DLGAP2: variants seen among roughly 807,000 people sequenced by gnomAD.
DLGAP2 encodes the protein disks large-associated protein 2.
Under a neutral mutation model 100.3 loss-of-function variants are expected in DLGAP2, and 26 were observed. The ratio of observed to expected loss-of-function variants is 0.26; its 90% CI spans 0.19 to 0.36. The LOEUF (loss-of-function observed/expected upper bound fraction) is 0.36, where lower values mean the gene tolerates loss of function less well. Ranked by LOEUF, DLGAP2 falls within the 10% of genes least tolerant of loss-of-function variation. DLGAP2 has a pLI of 1.00. For missense variants in DLGAP2, 1,858 were observed against 1,453.2 expected, an observed-to-expected ratio of 1.28 and a Z score of -4.53; for synonymous variants, 886 against 630.1, an observed-to-expected ratio of 1.41 and a Z score of -6.08.
At chr8:1,144,873 A>G (rs529852893) in intron 2 of DLGAP2, among the ~76,000 whole-genome samples, 8 of 151,788 alleles carry the variant, frequency 5.3e-5, no homozygotes, top group African/African-American at 7.2e-5. Context: ...TGAACAGTCA[A>G]ACCACAGACG....
Position 756,404 on chromosome 8 carries a change from T to C in DLGAP2, c.18+18579T>C, listed in dbSNP as rs985321445. On this transcript the variant is annotated intron_variant, in intron 1 of 14. Coordinates refer to ENST00000637795, the MANE Select transcript of DLGAP2 (RefSeq NM_001346810.2). ...AACCATGGAGCTGACATTGAGAATG[T>C]TCTCTGATCTGTTTTTAATTAGCAC... Among the ~76,000 whole-genome samples the C allele has an allele frequency of 3.3e-5, 5 of 152,214 alleles. No individual in the cohort carries two copies. In the East Asian group the frequency reaches 5.8e-4, roughly 18 times the overall value.
chr8:787,102 T>C (rs1821886777), intron 1 of DLGAP2, among the ~76,000 whole-genome samples: 1 of 152,206 alleles, frequency 6.6e-6, no homozygotes, highest in Non-Finnish European at 1.5e-5. Flanking sequence ...AAACTGACGA[T>C]GCTTTATTCA....
At chr8:1,490,221 C>T (rs1312233788) in intron 3 of DLGAP2, among the ~76,000 whole-genome samples, 1 of 152,122 alleles carries the variant, frequency 6.6e-6, no homozygotes, top group Non-Finnish European at 1.5e-5. Flanking sequence ...AAATGGGCAT[C>T]ACAACTTACC....
At chr8:1,515,483 T>C (rs1800338131) in intron 4 of DLGAP2, among the ~76,000 whole-genome samples, 2 of 150,578 alleles carry the variant, frequency 1.3e-5, no homozygotes, top group South Asian at 4.2e-4. Context: ...TGCAAAAATA[T>C]GCAGACAGAA....
intron 2 of DLGAP2, among the ~76,000 whole-genome samples, chr8:1,194,296 G>A (rs1797703818): frequency 6.6e-6 from 1 of 152,098 alleles, no homozygotes; most frequent in African/African-American, 2.4e-5. Context: ...CAAGAGACAA[G>A]CAGACGTTGG....
rs552447369 is a variant in DLGAP2 at position 973,766 on chromosome 8, G to A, written c.73+65800G>A. Among the ~76,000 whole-genome samples the A allele has an allele frequency of 7.3e-4, 111 of 152,202 alleles. 1 individual carries two copies. The highest frequency in any genetic ancestry group is 4.3e-3 in the South Asian group (21 of 4,834). Reference sequence around the variant, plus strand: ...TCATGGAGGGAAGGCAAATATACGCGCGGCTGAGCGGAGGCGAATCCGGAG... The same window carrying A: ...TCATGGAGGGAAGGCAAATATACGCACGGCTGAGCGGAGGCGAATCCGGAG... On this transcript the variant is annotated intron_variant, in intron 2 of 14. Coordinates refer to ENST00000637795, the MANE Select transcript of DLGAP2 (RefSeq NM_001346810.2).
intron 2 of DLGAP2, among the ~76,000 whole-genome samples, chr8:994,364 C>G (rs1800726473): frequency 6.6e-6 from 1 of 152,068 alleles, no homozygotes; most frequent in South Asian, 2.1e-4. Context: ...CCATGCCTGG[C>G]TAATTTTGTA....
At chr8:1,541,028 G>T (rs1563209780) in intron 4 of DLGAP2, among the ~76,000 whole-genome samples, 1 of 151,920 alleles carries the variant, frequency 6.6e-6, no homozygotes, top group African/African-American at 2.4e-5. Flanking sequence ...ACAGAGCCCA[G>T]GATTTTCTAC....
chr8:941,827 T>G (rs990226653), intron 2 of DLGAP2, among the ~76,000 whole-genome samples: 1 of 152,168 alleles, frequency 6.6e-6, no homozygotes, highest in Non-Finnish European at 1.5e-5. Flanking sequence ...ACATTTTTTT[T>G]TTTGAAAATC....
At chr8:1,341,497 G>C (rs1459456165) in intron 3 of DLGAP2, among the ~76,000 whole-genome samples, 2 of 152,184 alleles carry the variant, frequency 1.3e-5, no homozygotes, top group East Asian at 1.9e-4. Flanking sequence ...CACATCAGCA[G>C]TTCTGCCTAC....
chr8:1,009,008 C>T (rs1440267141), intron 2 of DLGAP2, among the ~76,000 whole-genome samples: 1 of 152,236 alleles, frequency 6.6e-6, no homozygotes, highest in African/African-American at 2.4e-5. Context: ...CGCAGGCCTC[C>T]AGTACCCCTT....
intron 8 of DLGAP2, among the ~76,000 whole-genome samples, chr8:1,636,583 T>G (rs1463274337): frequency 6.6e-6 from 1 of 152,234 alleles, no homozygotes; most frequent in Non-Finnish European, 1.5e-5. Flanking sequence ...AATATGACTA[T>G]GTATTTGATT....
intron 8 of DLGAP2, among the ~76,000 whole-genome samples, chr8:1,654,727 G>C (rs1419485553): frequency 6.6e-6 from 1 of 151,974 alleles, no homozygotes; most frequent in Non-Finnish European, 1.5e-5. Flanking sequence ...TTGGGAAGGA[G>C]CCAAACTATG....
chr8:1,326,278 CA>C (rs1392908901), intron 3 of DLGAP2, among the ~76,000 whole-genome samples: 1 of 152,206 alleles, frequency 6.6e-6, no homozygotes, highest in Non-Finnish European at 1.5e-5. Flanking sequence ...TGAAATTAGA[CA>C]ATCTGTATTT....
intron 10 of DLGAP2, among the ~76,000 whole-genome samples, chr8:1,674,522 G>C (rs1236984429): frequency 1.3e-5 from 2 of 152,194 alleles, no homozygotes; most frequent in Non-Finnish European, 2.9e-5. Flanking sequence ...TGGATTCCTA[G>C]AAATAGAATA....
chr8:1,636,509 A>T (rs753624257), intron 8 of DLGAP2, among the ~76,000 whole-genome samples: 1 of 152,246 alleles, frequency 6.6e-6, no homozygotes, highest in Non-Finnish European at 1.5e-5. Context: ...CTGTTTTTCA[A>T]TACTATGATT....
Position 875,542 on chromosome 8 carries a change from T to G in DLGAP2, c.19-32370T>G, listed in dbSNP as rs181584514. 4.1e-3 allele frequency among the ~76,000 whole-genome samples: 631 copies of G among 152,326 alleles called. 2 individuals are homozygous for G. Among genetic ancestry groups the G allele is most frequent in the African/African-American group, 0.014 (581 of 41,584 alleles). ...GCTGCCATGTGAAGAAGGATGTGTT[T>G]GCTTCCCCTTCCACCATGATTGTAA... On this transcript the variant is annotated intron_variant, in intron 1 of 14. Coordinates refer to ENST00000637795, the MANE Select transcript of DLGAP2 (RefSeq NM_001346810.2).
At chr8:1,249,065 A>G (rs1449345303) in intron 2 of DLGAP2, among the ~76,000 whole-genome samples, 1 of 152,158 alleles carries the variant, frequency 6.6e-6, no homozygotes, top group Non-Finnish European at 1.5e-5. Context: ...AAGCTGGGAC[A>G]GAGGCTGAGA....
chr8:927,451 G>T (rs910240336), intron 2 of DLGAP2, among the ~76,000 whole-genome samples: 2 of 152,192 alleles, frequency 1.3e-5, no homozygotes, highest in Admixed American at 1.3e-4. Context: ...GGGTGGAATT[G>T]TTCACGTCAG....
Sources: gnomAD v4.1 joint callset for allele counts (sites outside exome capture counted in the v4.1 genomes callset) on GRCh38, gnomAD v4.1.1 for gene constraint, MANE v1.5 for transcripts, NCBI Gene and HGNC (gene_info 2026-07-23, HGNC 2026-07-21) for gene names.